Variants in UGT1A4 observed in about 807,000 individuals in gnomAD.
The protein encoded by UGT1A4 is UDP-glucuronosyltransferase 1A4.
In UGT1A4, 32 loss-of-function variants were observed where a neutral mutation model predicts 41.1. The observed-to-expected ratio is 0.78, with a 90% CI of 0.59 to 1.05. The LOEUF (loss-of-function observed/expected upper bound fraction) is 1.05. Among genes scored for constraint, UGT1A4 ranks in the 50% least tolerant of loss-of-function variants. The pLI is 0.00. For missense variants in UGT1A4, 748 were observed against 677.4 expected (o/e 1.10, Z -1.16); for synonymous variants, 283 against 265.1 (o/e 1.07, Z -0.66).
intron 1 of UGT1A4, among the ~76,000 whole-genome samples, chr2:233,758,818 TC>T (rs963233717): frequency 6.6e-6 from 1 of 151,974 alleles, no homozygotes; most frequent in South Asian, 2.1e-4. Context: ...CAGCAGTATA[TC>T]CCCCCCAAAA....
chr2:233,761,438 A>G (rs1335864417), intron 1 of UGT1A4, among the ~76,000 whole-genome samples: 1 of 152,232 alleles, frequency 6.6e-6, no homozygotes, highest in East Asian at 1.9e-4. Flanking sequence ...CCATAGGCAC[A>G]GAATGCTGGG....
Position 233,760,811 on chromosome 2 carries a change from T to A in UGT1A4, c.868-6223T>A, listed in dbSNP as rs72551341. The A allele has an allele frequency of 6.5e-5, 105 of 1,613,198 alleles. No individual in the cohort carries two copies. Among genetic ancestry groups the A allele is most frequent in the Non-Finnish European group, 7.5e-5 (89 of 1,179,336 alleles). The stretch of plus-strand genomic sequence containing the variant: ...CCCACTGTATTCTTCTTGCATGCAC[T>A]GCCATGCAGCCTGGAATTTGAGGCT... On this transcript the variant is annotated intron_variant, in intron 1 of 4. Coordinates refer to ENST00000373409, the MANE Select transcript of UGT1A4 (RefSeq NM_007120.3).
chr2:233,719,227 C>G lies in UGT1A4; in HGVS notation c.407C>G (p.Ala136Gly). The change falls in exon 1 of 5, where the codon GCC becomes GGC. Residue 136 changes from alanine (A) to glycine (G), a missense_variant. By Grantham distance (60) the Ala-to-Gly change is moderately conservative (BLOSUM62 0). Transcript: ENST00000373409. ...TGTGTGGAGCTACTGCATAATGAGG[C>G]CCTGATCAGGCACCTGAATGCTACT... ...RCCVELLHNE[A>G]LIRHLNATSF... The G allele has an allele frequency of 6.2e-7, 1 of 1,614,176 alleles. No individual in the cohort carries two copies. The highest frequency in any genetic ancestry group is 8.5e-7 in the Non-Finnish European group (1 of 1,180,036).
chr2:233,769,746 T>G lies in UGT1A4; in HGVS notation c.1307+1307T>G. On this transcript the variant is annotated intron_variant, in intron 4 of 4. Coordinates refer to ENST00000373409, the MANE Select transcript of UGT1A4 (RefSeq NM_007120.3). The surrounding 1 kb of genome is among the most constrained non-coding windows in gnomAD (Gnocchi z 4.4). ...GGCACACGCCTGTAGTCCCAGCCAC[T>G]CTGGAGGCTAAGGCGGGAGGATTGC... 6.9e-7 allele frequency: 1 copy of G among 1,441,832 alleles called. No homozygotes were observed. The highest frequency in any genetic ancestry group is 9.1e-7 in the Non-Finnish European group (1 of 1,095,648). The allele number at this position is 1,441,832 out of a possible 1,614,324, so 89.3% of individuals were successfully genotyped here.
intron 1 of UGT1A4, chr2:233,748,227 A>C (rs1693897590): frequency 1.4e-6 from 2 of 1,423,074 alleles, no homozygotes; most frequent in African/African-American, 2.9e-5. Context: ...ATAAACTGTT[A>C]AGGGGTCTCT....
chr2:233,745,177 T>C (rs1693032562), intron 1 of UGT1A4, among the ~76,000 whole-genome samples: 1 of 151,880 alleles, frequency 6.6e-6, no homozygotes, highest in South Asian at 2.1e-4. Flanking sequence ...TTATTCACTT[T>C]TCTTGACTGC....
intron 1 of UGT1A4, among the ~76,000 whole-genome samples, chr2:233,736,405 A>G (rs1182654353): frequency 4.6e-5 from 7 of 152,208 alleles, no homozygotes; most frequent in Non-Finnish European, 1.0e-4. Context: ...CTAGTTAGGC[A>G]TTCATCTAAC....
intron 1 of UGT1A4, among the ~76,000 whole-genome samples, chr2:233,758,085 A>G (rs1336263007): frequency 6.6e-6 from 1 of 152,196 alleles, no homozygotes; most frequent in African/African-American, 2.4e-5. Flanking sequence ...AGTTCCTAGC[A>G]TAGTGACTGC....
Position 233,752,817 on chromosome 2 carries a change from T to G in UGT1A4, c.868-14217T>G, listed in dbSNP as rs569255624. On this transcript the variant is annotated intron_variant, in intron 1 of 4. Transcript: ENST00000373409. ...CTTCTGTAGAAGGAACACTTCCCAT[T>G]TATGACATCAGTAATCTAGGATATA... Among the ~76,000 whole-genome samples the G allele has an allele frequency of 2.6e-5, 4 of 152,306 alleles. No individual in the cohort carries two copies. The East Asian group carries it at 7.7e-4, about 29-fold the overall frequency.
chr2:233,729,068 AG>A, intron 1 of UGT1A4: 1 of 1,611,394 alleles, frequency 6.2e-7, no homozygotes, highest in Non-Finnish European at 8.5e-7. Context: ...AGATGAAGAA[AG>A]CAAATGTAGC....
chr2:233,750,643 A>G (rs1694525645), intron 1 of UGT1A4: 1 of 149,168 alleles, frequency 6.7e-6, no homozygotes. Flanking sequence ...TGCTGTGTGC[A>G]GCCTCAGGAC....
chr2:233,769,545 C>T lies in UGT1A4; in HGVS notation c.1307+1106C>T. ...ACCTCCTTTAGAAAGAAGCAGCAGT[C>T]AGGAAGACAGATGTGAAGAGCTGGA... is the stretch of plus-strand genomic sequence containing the variant. On this transcript the variant is annotated intron_variant, in intron 4 of 4. Transcript: ENST00000373409. This position sits in a 1 kb window ranked among gnomAD's most constrained non-coding sequence, Gnocchi z 4.4. 6.2e-7 allele frequency: 1 copy of T among 1,612,746 alleles called. No homozygotes were observed. Among genetic ancestry groups the T allele is most frequent in the Non-Finnish European group, 8.5e-7 (1 of 1,179,828 alleles).
chr2:233,760,703 C>T, intron 1 of UGT1A4: 1 of 1,614,236 alleles, frequency 6.2e-7, no homozygotes. Flanking sequence ...CTCATGGCCT[C>T]CCTGGCAGAA....
intron 2 of UGT1A4, 81 bp from the exon 3 acceptor site, chr2:233,767,768 G>A (rs1166342197): frequency 1.9e-5 from 30 of 1,610,020 alleles, no homozygotes; most frequent in Non-Finnish European, 2.5e-5. Flanking sequence ...GAGGACCCCT[G>A]TTTTCTAGTT....
intron 1 of UGT1A4, among the ~76,000 whole-genome samples, chr2:233,757,422 GAAGAA>G (rs1401063463): frequency 6.6e-6 from 1 of 151,344 alleles, no homozygotes; most frequent in African/African-American, 2.4e-5. Flanking sequence ...AACGAAAAGA[GAAGAA>G]AAGTCACTTC....
At chr2:233,767,994 T>G (rs1699541043) in intron 3 of UGT1A4, 58 bp downstream of exon 3, 2 of 1,614,136 alleles carry the variant, frequency 1.2e-6, no homozygotes, top group Non-Finnish European at 1.7e-6. Context: ...GAAAATGGCT[T>G]AAGCACAGCT....
In UGT1A4 at chr2:233,755,078, G is replaced by C. The variant is rs756759474; in HGVS notation, c.868-11956G>C. On this transcript the variant is annotated intron_variant, in intron 1 of 4. Coordinates refer to ENST00000373409, the MANE Select transcript of UGT1A4 (RefSeq NM_007120.3). ...CCCTCGCCTCGCCATAGCGGTCATAGATATCGCGTTTCTACGCGTCCGACA... is the reference window on the plus strand; with the variant it reads ...CCCTCGCCTCGCCATAGCGGTCATACATATCGCGTTTCTACGCGTCCGACA... The C allele has an allele frequency of 6.7e-6, 9 of 1,336,426 alleles. No homozygotes were observed. In the East Asian group the frequency reaches 2.3e-4, roughly 34 times the overall value. The allele number at this position is 1,336,426 out of a possible 1,614,324, so 82.8% of individuals were successfully genotyped here.
chr2:233,749,865 C>A (rs113837567), intron 1 of UGT1A4, among the ~76,000 whole-genome samples: 3 of 152,004 alleles, frequency 2.0e-5, no homozygotes, highest in African/African-American at 7.3e-5. Context: ...CACTTTCTGC[C>A]AGGATTATAA....
chr2:233,733,177 G>T (rs2078363766), intron 1 of UGT1A4, among the ~76,000 whole-genome samples: 1 of 152,226 alleles, frequency 6.6e-6, no homozygotes, highest in Non-Finnish European at 1.5e-5. Flanking sequence ...GGACTTTGCT[G>T]AAGTTGCTTA....
Sources: gnomAD v4.1 joint callset for allele counts (sites outside exome capture counted in the v4.1 genomes callset) on GRCh38, gnomAD v4.1.1 for gene constraint, Gnocchi (gnomAD v3.1) non-coding constraint, MANE v1.5 for transcripts, NCBI Gene and HGNC (gene_info 2026-07-23, HGNC 2026-07-21) for gene names.